ERBIN: variants seen among roughly 807,000 people sequenced by gnomAD.
The protein encoded by ERBIN is erbb2 interacting protein, also known as densin-180-like protein.
ERBIN carries 60 observed loss-of-function variants against 158.4 expected under a neutral mutation model. The observed-to-expected ratio is 0.38, with a 90% CI of 0.31 to 0.47. The LOEUF (loss-of-function observed/expected upper bound fraction) is 0.47. Ranked by LOEUF, ERBIN falls within the 20% of genes least tolerant of loss-of-function variation. The pLI is 0.99. For synonymous variants in ERBIN, 594 were observed against 557.2 expected (o/e 1.07, Z -0.93); for missense variants, 1,610 against 1,648.0 (o/e 0.98, Z 0.40).
intron 1 of ERBIN, among the ~76,000 whole-genome samples, chr5:65,975,584 G>A (rs949281826): frequency 2.3e-4 from 35 of 152,354 alleles, no homozygotes; most frequent in Middle Eastern, 3.4e-3. Flanking sequence ...GGGATTACAG[G>A]TGTGGGCCAC....
At position 66,082,011 on chromosome 5, in the gene ERBIN, C is replaced by T. The variant is rs183365680; in HGVS notation, c.*3481C>T. ...AAAGTTGACCATATTCTACCTAAAG[C>T]TGCTAATTCTTTACAGAATTCATAA... On this transcript the variant is annotated 3_prime_UTR_variant, in exon 26 of 26. Coordinates refer to ENST00000284037, the MANE Select transcript of ERBIN (RefSeq NM_001253697.2). The T allele has an allele frequency of 6.6e-6, 1 of 152,210 alleles. No homozygotes were observed. The highest frequency in any genetic ancestry group is 1.9e-4 in the East Asian group (1 of 5,184). 9.4% of individuals were successfully genotyped at this position (152,210 alleles called of 1,614,324 possible).
At chr5:65,995,627 C>T (rs1389312017) in intron 4 of ERBIN, among the ~76,000 whole-genome samples, 1 of 152,122 alleles carries the variant, frequency 6.6e-6, no homozygotes, top group Non-Finnish European at 1.5e-5. Context: ...ATTTCATTCA[C>T]TTTGATACAT....
chr5:66,018,459 T>TATTATAA lies in ERBIN; in HGVS notation c.534-2863_534-2862insATTATAA, dbSNP rs1315210507. ...TATATATAATATAATATATATTATA[T>TATTATAA]TATATAATATATATTATATATTATA... On this transcript the variant is annotated intron_variant, in intron 7 of 25. Transcript: ENST00000284037. 7.4e-3 allele frequency among the ~76,000 whole-genome samples: 84 copies of TATTATAA among 11,364 alleles called. 5 individuals are homozygous for TATTATAA. The highest frequency in any genetic ancestry group is 0.016 in the South Asian group (4 of 248). The allele number at this position is 11,364 out of a possible 152,430, so 7.5% of individuals were successfully genotyped here.
chr5:65,950,043 T>C (rs1332658388), intron 1 of ERBIN, among the ~76,000 whole-genome samples: 1 of 152,178 alleles, frequency 6.6e-6, no homozygotes, highest in Non-Finnish European at 1.5e-5. Context: ...TTTCGCTCTG[T>C]CGCCCAGGCT....
Position 66,054,380 on chromosome 5 carries a change from A to C in ERBIN, c.3062A>C (p.Tyr1021Ser), listed in dbSNP as rs755214630. The C allele has an allele frequency of 6.4e-5, 104 of 1,614,040 alleles. No individual in the cohort carries two copies. In the South Asian group the frequency reaches 1.1e-3, roughly 16 times the overall value. The change falls in exon 21 of 26, where the codon TAT becomes TCT. Residue 1021 changes from tyrosine (Y) to serine (S), a missense_variant. Tyr to Ser is a moderately radical substitution (Grantham distance 144). Around this residue, in one of 2 missense-constraint regions of ERBIN, gnomAD observed 1,014 missense variants for 936.1 expected, o/e 1.08. Coordinates refer to ENST00000284037, the MANE Select transcript of ERBIN (RefSeq NM_001253697.2). ...TCAGAGAGCACAGAAAATCAAAGTTATGCTAAACATTCTGCCAATATGAAT... is the reference window on the plus strand; with the variant it reads ...TCAGAGAGCACAGAAAATCAAAGTTCTGCTAAACATTCTGCCAATATGAAT... ...PRSESTENQS[Y>S]AKHSANMNFS...
In ERBIN at chr5:65,942,744, G is replaced by A. The variant is rs151330484; in HGVS notation, c.-58+15938G>A. Among the ~76,000 whole-genome samples, 181 of 152,218 alleles carry A rather than the reference G, an allele frequency of 1.2e-3. 3 individuals are homozygous for A. The East Asian group carries it at 0.032, about 27-fold the overall frequency. ...GTTCGAGACCAGCTTGGCCAACATG[G>A]TGAAACTCTGTGTCTACTAAAAATA... On this transcript the variant is annotated intron_variant, in intron 1 of 25. Coordinates refer to ENST00000284037, the MANE Select transcript of ERBIN (RefSeq NM_001253697.2).
intron 1 of ERBIN, among the ~76,000 whole-genome samples, chr5:65,934,447 C>G (rs188565683): frequency 1.6e-4 from 24 of 152,020 alleles, no homozygotes; most frequent in Admixed American, 6.6e-5. Context: ...GGCCTTGACA[C>G]TTTTGAAGAT....
chr5:66,012,001 T>G, intron 4 of ERBIN, 48 bp from the exon 5 acceptor site: 1 of 1,204,942 alleles, frequency 8.3e-7, no homozygotes, highest in Non-Finnish European at 1.2e-6. Context: ...TGTTATTATT[T>G]TGTCCTTTGT....
intron 14 of ERBIN, 139 bp downstream of exon 14, chr5:66,028,482 CAA>C: frequency 2.1e-6 from 1 of 478,892 alleles, no homozygotes; most frequent in Non-Finnish European, 3.6e-6. Context: ...AGAAAAATCT[CAA>C]AATATTTAGA....
intron 1 of ERBIN, among the ~76,000 whole-genome samples, chr5:65,967,494 G>A (rs2150977252): frequency 6.6e-6 from 1 of 152,232 alleles, no homozygotes. Context: ...GATGCCTGCT[G>A]TATTCAGTAC....
At chr5:66,029,724 C>T (rs1332634542) in intron 14 of ERBIN, among the ~76,000 whole-genome samples, 1 of 152,110 alleles carries the variant, frequency 6.6e-6, no homozygotes, top group Admixed American at 6.5e-5. Context: ...CTTGCCTCAG[C>T]CTCCCGAGTA....
At chr5:66,041,760 A>G (rs1382381389) in intron 15 of ERBIN, among the ~76,000 whole-genome samples, 1 of 152,034 alleles carries the variant, frequency 6.6e-6, no homozygotes, top group African/African-American at 2.4e-5. Context: ...GAATTATATG[A>G]ATTAAAAAAT....
intron 3 of ERBIN, among the ~76,000 whole-genome samples, 160 bp downstream of exon 3, chr5:65,993,067 G>A (rs981301475): frequency 7.2e-5 from 11 of 152,094 alleles, no homozygotes; most frequent in Admixed American, 6.6e-4. Flanking sequence ...ATTTTTAAAA[G>A]TCGATTTTAA....
In ERBIN at chr5:66,004,396, G is replaced by A. The variant is rs116439787; in HGVS notation, c.308-7653G>A. Among the ~76,000 whole-genome samples the A allele has an allele frequency of 5.2e-3, 798 of 152,052 alleles. 2 individuals carry two copies. The highest frequency in any genetic ancestry group is 7.8e-3 in the Non-Finnish European group (531 of 67,968). ...TGTGTGTGCGTGTGTGTGTGCGCGC[G>A]CGTGCGTGTGTGTATGTGTGAGTTG... On this transcript the variant is annotated intron_variant, in intron 4 of 25. Transcript: ENST00000284037.
chr5:65,958,768 T>C (rs1266645386), intron 1 of ERBIN, among the ~76,000 whole-genome samples: 3 of 152,210 alleles, frequency 2.0e-5, no homozygotes, highest in Non-Finnish European at 4.4e-5. Flanking sequence ...CCATTCAGTT[T>C]TTCACTTTCA....
At chr5:66,042,902 G>C (rs1758057286) in intron 15 of ERBIN, among the ~76,000 whole-genome samples, 175 bp from the exon 16 acceptor site, 1 of 152,038 alleles carries the variant, frequency 6.6e-6, no homozygotes, top group African/African-American at 2.4e-5. Flanking sequence ...AATCTTACAT[G>C]GACATTATAA....
At chr5:65,989,336 A>C (rs945018193) in intron 2 of ERBIN, among the ~76,000 whole-genome samples, 1 of 152,152 alleles carries the variant, frequency 6.6e-6, no homozygotes, top group African/African-American at 2.4e-5. Flanking sequence ...TTTTTAGTCT[A>C]TACCACTTCC....
chr5:66,032,763 A>G (rs1757016238), intron 14 of ERBIN, among the ~76,000 whole-genome samples: 1 of 152,170 alleles, frequency 6.6e-6, no homozygotes, highest in Admixed American at 6.5e-5. Context: ...ATGAAACAGA[A>G]CTGGGGGAAG....
chr5:66,064,122 G>C (rs944085530), intron 21 of ERBIN, among the ~76,000 whole-genome samples: 24 of 152,102 alleles, frequency 1.6e-4, no homozygotes, highest in Admixed American at 1.3e-4. Flanking sequence ...AAATGGTAAT[G>C]ATAAATGCAA....
Sources: allele counts gnomAD v4.1 joint callset (sites outside exome capture counted in the v4.1 genomes callset), GRCh38; gene constraint gnomAD v4.1.1; regional missense constraint gnomAD v4.1.1; transcripts MANE v1.5; gene names NCBI Gene and HGNC (gene_info 2026-07-23, HGNC 2026-07-21).